LOXHD1: variants seen among roughly 807,000 people sequenced by gnomAD.
LOXHD1 encodes lipoxygenase homology PLAT domains 1.
A neutral mutation model predicts 248.2 loss-of-function variants in LOXHD1; 205 were observed. The ratio of observed to expected loss-of-function variants is 0.83; its 90% CI spans 0.74 to 0.93. The LOEUF is 0.93. Ranked by LOEUF, LOXHD1 falls within the 40% of genes least tolerant of loss-of-function variation. The pLI, the probability that LOXHD1 is intolerant of heterozygous loss-of-function variation, is 0.00. For synonymous variants in LOXHD1, 1,113 were observed against 1,162.8 expected, an observed-to-expected ratio of 0.96 and a Z score of 0.87; for missense variants, 2,930 against 2,971.6, an observed-to-expected ratio of 0.99 and a Z score of 0.33.
rs752194068 is a variant in LOXHD1 at position 46,656,922 on chromosome 18, C to A, written c.112G>T (p.Glu38Ter). The A allele has an allele frequency of 2.6e-6, 4 of 1,551,584 alleles. No homozygotes were observed. The highest frequency in any genetic ancestry group is 3.5e-6 in the Non-Finnish European group (4 of 1,146,910). ...SEDDEGELEH[E>*]YYKARVYEVV... ...CCCGCACCTCTGGCCTTGTAGTACT[C>A]GTGTTCCAGCTCCCCCTCGTCGTCC... Residue 38 changes from glutamate (E) to a stop codon, truncating the protein, a stop_gained, in exon 1 of 41, where the codon GAG becomes TAG. Coordinates refer to ENST00000642948, the MANE Select transcript of LOXHD1 (RefSeq NM_001384474.1). LOFTEE classifies it high-confidence loss of function.
intron 12 of LOXHD1, among the ~76,000 whole-genome samples, chr18:46,583,157 G>T (rs2144170225): frequency 6.6e-6 from 1 of 152,128 alleles, no homozygotes; most frequent in South Asian, 2.1e-4. Context: ...CATAAAACTG[G>T]CTCAAGAAAA....
intron 26 of LOXHD1, 96 bp from the exon 27 acceptor site, chr18:46,534,547 T>A (rs2036221676): frequency 4.5e-6 from 4 of 884,832 alleles, no homozygotes; most frequent in Admixed American, 2.0e-5. Flanking sequence ...CCACCCTGAG[T>A]CCCTTTGCAT....
At chr18:46,493,483 C>T (rs773597017) in intron 37 of LOXHD1, among the ~76,000 whole-genome samples, 2 of 152,156 alleles carry the variant, frequency 1.3e-5, no homozygotes, top group Non-Finnish European at 2.9e-5. Context: ...TATTTCAATG[C>T]CTGGGACAGT....
intron 33 of LOXHD1, among the ~76,000 whole-genome samples, 194 bp from the exon 34 acceptor site, chr18:46,518,450 C>T (rs1167208707): frequency 6.6e-6 from 1 of 152,212 alleles, no homozygotes; most frequent in African/African-American, 2.4e-5. Flanking sequence ...CCCACTGTGC[C>T]CAGTCCCACC....
Position 46,541,705 on chromosome 18 carries a change from C to T in LOXHD1, c.3913+71G>A, listed in dbSNP as rs1017523373. On this transcript the variant is annotated intron_variant, in intron 25 of 40. Transcript: ENST00000642948. ...CCCACAGTCAATCCTGAAGGAAGAA[C>T]TGGGGCTGAGTTGGGGTAGCTGGTG... is the stretch of plus-strand genomic sequence containing the variant. 2.6e-6 allele frequency: 4 copies of T among 1,510,176 alleles called. No homozygotes were observed. The African/African-American group carries it at 5.5e-5, about 21-fold the overall frequency. The allele number at this position is 1,510,176 out of a possible 1,614,324, so 93.5% of individuals were successfully genotyped here. A position where few individuals can be genotyped will look rare whatever the true frequency, so the allele number is the denominator to read the frequency against.
chr18:46,541,956 A>G lies in LOXHD1; in HGVS notation c.3749-16T>C, dbSNP rs914212420. ...GGGGCCTTGCCTAGAGAGAGAGGAG[A>G]CACAAAACCCATCAAGGACCTGAGC... is the stretch of plus-strand genomic sequence containing the variant. On this transcript the variant is annotated splice_polypyrimidine_tract_variant and intron_variant, in intron 24 of 40. Coordinates refer to ENST00000642948, the MANE Select transcript of LOXHD1 (RefSeq NM_001384474.1). 2 of 1,546,156 alleles carry G rather than the reference A, an allele frequency of 1.3e-6. No homozygotes were observed. Among genetic ancestry groups the G allele is most frequent in the African/African-American group, 2.7e-5 (2 of 72,906 alleles).
At chr18:46,481,651 C>T (rs2032578503) in intron 40 of LOXHD1, among the ~76,000 whole-genome samples, 1 of 152,198 alleles carries the variant, frequency 6.6e-6, no homozygotes, top group Non-Finnish European at 1.5e-5. Flanking sequence ...AGGAAGAGCC[C>T]CTTCCTCACA....
At chr18:46,549,402 A>G (rs1249231813) in intron 21 of LOXHD1, among the ~76,000 whole-genome samples, 1 of 152,248 alleles carries the variant, frequency 6.6e-6, no homozygotes, top group Non-Finnish European at 1.5e-5. Context: ...TTCATACAGA[A>G]TTTTCCATTT....
intron 2 of LOXHD1, among the ~76,000 whole-genome samples, chr18:46,644,549 T>G (rs1032410031): frequency 1.3e-5 from 2 of 152,014 alleles, no homozygotes; most frequent in Non-Finnish European, 2.9e-5. Flanking sequence ...AAGAGATAGC[T>G]CTACAAAAAA....
chr18:46,641,480 C>G (rs1412195433), intron 3 of LOXHD1, among the ~76,000 whole-genome samples: 2 of 152,234 alleles, frequency 1.3e-5, no homozygotes, highest in Non-Finnish European at 2.9e-5. Flanking sequence ...TGCAACAGGA[C>G]TTGGTATCTC....
At chr18:46,563,711 T>TA (rs1239625406) in intron 17 of LOXHD1, among the ~76,000 whole-genome samples, 2 of 152,118 alleles carry the variant, frequency 1.3e-5, no homozygotes, top group African/African-American at 2.4e-5. Flanking sequence ...TATCTGGAGA[T>TA]AAGAGTCTTT....
chr18:46,653,205 C>CCACTG (rs2039134854), intron 1 of LOXHD1, among the ~76,000 whole-genome samples: 1 of 152,144 alleles, frequency 6.6e-6, no homozygotes, highest in Non-Finnish European at 1.5e-5. Context: ...CGAGATCACG[C>CCACTG]CACTGCACTC....
Position 46,533,296 on chromosome 18 carries a change from T to C in LOXHD1, c.4241A>G (p.Asp1414Gly). The change falls in exon 28 of 41, where the codon GAT becomes GGT. Residue 1414 changes from aspartate to glycine, a missense_variant. Asp to Gly is a moderately conservative substitution (Grantham distance 94, BLOSUM62 -1). Coordinates refer to ENST00000642948, the MANE Select transcript of LOXHD1 (RefSeq NM_001384474.1). ...DGAETLTFPCDRWLATSEDDK... is the reference protein window; with the variant it reads ...DGAETLTFPCGRWLATSEDDK... ...ATCCTCAGAGGTGGCAAGCCACCGA[T>C]CGCATGGGAAAGTCAAGGTCTCTGC... 1.3e-6 allele frequency: 2 copies of C among 1,551,764 alleles called. No individual in the cohort carries two copies. Among genetic ancestry groups the C allele is most frequent in the Non-Finnish European group, 1.7e-6 (2 of 1,146,998 alleles).
At chr18:46,641,563 A>G (rs2038963326) in intron 3 of LOXHD1, among the ~76,000 whole-genome samples, 1 of 152,150 alleles carries the variant, frequency 6.6e-6, no homozygotes, top group African/African-American at 2.4e-5. Flanking sequence ...TAGGGTTATC[A>G]CCGATGAGGC....
chr18:46,559,720 A>G (rs2037471039), intron 19 of LOXHD1, 118 bp from the exon 20 acceptor site: 1 of 1,162,480 alleles, frequency 8.6e-7, no homozygotes, highest in Non-Finnish European at 1.2e-6. Context: ...AGATGCATCT[A>G]CACTAACCTG....
chr18:46,609,894 G>A (rs2038478757), intron 6 of LOXHD1, among the ~76,000 whole-genome samples: 1 of 152,206 alleles, frequency 6.6e-6, no homozygotes, highest in Admixed American at 6.5e-5. Flanking sequence ...ATAGAGCCAG[G>A]GACACGAGCT....
intron 33 of LOXHD1, 76 bp downstream of exon 33, chr18:46,521,019 TTC>T: frequency 6.7e-7 from 1 of 1,482,602 alleles, no homozygotes; most frequent in Non-Finnish European, 9.1e-7. Flanking sequence ...CTTCTTCCAC[TTC>T]TGTCTCCCCT....
intron 12 of LOXHD1, among the ~76,000 whole-genome samples, chr18:46,583,356 A>G (rs981058502): frequency 2.0e-5 from 3 of 152,226 alleles, no homozygotes; most frequent in Non-Finnish European, 4.4e-5. Flanking sequence ...ACTTTTGCAC[A>G]GCAAAGACAA....
intron 40 of LOXHD1, among the ~76,000 whole-genome samples, chr18:46,483,067 G>T (rs1290673854): frequency 3.3e-5 from 5 of 152,152 alleles, no homozygotes; most frequent in African/African-American, 1.2e-4. Flanking sequence ...TTCCAGAAAT[G>T]TCTGAGTCTC....
Sources: allele counts gnomAD v4.1 joint callset (sites outside exome capture counted in the v4.1 genomes callset), GRCh38; gene constraint gnomAD v4.1.1; transcripts MANE v1.5; gene names NCBI Gene and HGNC (gene_info 2026-07-23, HGNC 2026-07-21).